The following PCDH9 variants were observed in gnomAD, a reference collection of about 807,000 sequenced individuals.
PCDH9 encodes the protein protocadherin-9.
PCDH9 carries 24 observed loss-of-function variants against 70.6 expected under a neutral mutation model. The observed-to-expected ratio is 0.34, with a 90% CI of 0.25 to 0.48. The LOEUF is 0.48. PCDH9 is among the 20% of genes least tolerant of loss of function. The pLI is 0.99. For missense variants in PCDH9, 1,281 were observed against 1,503.6 expected (o/e 0.85, Z 2.45); for synonymous variants, 562 against 558.5 (o/e 1.01, Z -0.09).
At chr13:66,786,675 C>T (rs1412144026) in intron 3 of PCDH9, among the ~76,000 whole-genome samples, 1 of 152,156 alleles carries the variant, frequency 6.6e-6, no homozygotes, top group Admixed American at 6.5e-5. Flanking sequence ...CTGTACTACC[C>T]TGCAAGAAGG....
chr13:66,762,062 G>A (rs2079637710), intron 3 of PCDH9, among the ~76,000 whole-genome samples: 2 of 152,156 alleles, frequency 1.3e-5, no homozygotes, highest in South Asian at 4.1e-4. Flanking sequence ...TTCTGGGCAG[G>A]TTGTTTGGTG....
At chr13:66,350,436 T>C (rs541099776) in intron 4 of PCDH9, among the ~76,000 whole-genome samples, 13 of 152,282 alleles carry the variant, frequency 8.5e-5, no homozygotes, top group African/African-American at 3.1e-4. Flanking sequence ...CCTTCTCACA[T>C]GTCTTAGTTA....
At chr13:67,109,581 T>A (rs2138264454) in intron 2 of PCDH9, among the ~76,000 whole-genome samples, 1 of 152,340 alleles carries the variant, frequency 6.6e-6, no homozygotes, top group South Asian at 2.1e-4. Flanking sequence ...TAACCTGTAA[T>A]CAATATTTAT....
At chr13:66,743,392 C>T (rs1238149824) in intron 3 of PCDH9, among the ~76,000 whole-genome samples, 1 of 141,998 alleles carries the variant, frequency 7.0e-6, no homozygotes, top group Non-Finnish European at 1.5e-5. Context: ...ACACCTAAGG[C>T]TAGATGACGA....
chr13:66,700,923 A>AACATATATATATATAT (rs1425269335), intron 3 of PCDH9, among the ~76,000 whole-genome samples: 2 of 58,436 alleles, frequency 3.4e-5, no homozygotes, highest in Non-Finnish European at 6.5e-5. Flanking sequence ...TGTACATATA[A>AACATATATATATATAT]ATATATATAT....
intron 2 of PCDH9, among the ~76,000 whole-genome samples, chr13:67,196,826 C>A (rs1417014356): frequency 6.6e-6 from 1 of 151,870 alleles, no homozygotes; most frequent in Non-Finnish European, 1.5e-5. Context: ...TGCTTAAATA[C>A]CAAGCTTTAA....
At chr13:67,083,024 G>T (rs2086017459) in intron 2 of PCDH9, among the ~76,000 whole-genome samples, 1 of 152,042 alleles carries the variant, frequency 6.6e-6, no homozygotes, top group South Asian at 2.1e-4. Context: ...ATTAGATTAT[G>T]AAGCTAAAAT....
intron 3 of PCDH9, among the ~76,000 whole-genome samples, chr13:66,827,623 G>A (rs1019343984): frequency 6.6e-6 from 1 of 152,100 alleles, no homozygotes; most frequent in South Asian, 2.1e-4. Flanking sequence ...ATGGAGTGAA[G>A]AAGAAAGCCT....
chr13:66,587,394 GA>G (rs994111308), intron 4 of PCDH9, among the ~76,000 whole-genome samples: 27 of 150,412 alleles, frequency 1.8e-4, no homozygotes, highest in African/African-American at 3.4e-4. Flanking sequence ...ATATTAAATA[GA>G]AAAAAAAAGA....
rs183895367 is a variant in PCDH9, at chr13:66,544,929, G to T, written c.3340+86281C>A. On this transcript the variant is annotated intron_variant, in intron 4 of 4. Coordinates refer to ENST00000377865, the MANE Select transcript of PCDH9 (RefSeq NM_203487.3). Reference sequence around the variant, plus strand: ...GTTTTACTCAGCAGGGTTGTGAACAGAAAACAAGTCTTGCAGGTCTCCTAC... The same window carrying T: ...GTTTTACTCAGCAGGGTTGTGAACATAAAACAAGTCTTGCAGGTCTCCTAC... 2.0e-5 allele frequency among the ~76,000 whole-genome samples: 3 copies of T among 152,238 alleles called. No individual in the cohort carries two copies. In the East Asian group the frequency reaches 5.8e-4, roughly 29 times the overall value.
At chr13:66,467,882 T>A (rs1958545887) in intron 4 of PCDH9, among the ~76,000 whole-genome samples, 1 of 152,082 alleles carries the variant, frequency 6.6e-6, no homozygotes, top group Non-Finnish European at 1.5e-5. Context: ...CCAGTGAGGT[T>A]CCTTGCTCAT....
chr13:67,219,029 T>C (rs562196329), intron 2 of PCDH9: 1 of 152,216 alleles, frequency 6.6e-6, no homozygotes, highest in South Asian at 2.1e-4. Flanking sequence ...GCATTTCTTA[T>C]ATTTATATGC....
intron 4 of PCDH9, among the ~76,000 whole-genome samples, chr13:66,369,096 G>A (rs1037479484): frequency 6.6e-6 from 1 of 152,058 alleles, no homozygotes; most frequent in Non-Finnish European, 1.5e-5. Flanking sequence ...TCTTTGGTTT[G>A]TTGGATTTAC....
intron 4 of PCDH9, among the ~76,000 whole-genome samples, chr13:66,581,950 C>A (rs546851209): frequency 6.6e-4 from 101 of 152,128 alleles, no homozygotes; most frequent in Non-Finnish European, 6.5e-4. Context: ...ATCTGCTAAT[C>A]TATTTCTCTT....
At chr13:66,308,086 A>T (rs1223512596) in intron 4 of PCDH9, among the ~76,000 whole-genome samples, 1 of 152,106 alleles carries the variant, frequency 6.6e-6, no homozygotes, top group East Asian at 1.9e-4. Flanking sequence ...CCTTAAGAGC[A>T]GTGAGCTGAG....
At chr13:67,022,669 G>A (rs1373678938) in intron 2 of PCDH9, among the ~76,000 whole-genome samples, 8 of 152,060 alleles carry the variant, frequency 5.3e-5, no homozygotes, top group Admixed American at 5.2e-4. Flanking sequence ...CGCACTTCCA[G>A]TGTTCAGTCA....
chr13:66,346,015 G>A (rs73505858), intron 4 of PCDH9, among the ~76,000 whole-genome samples: 2,617 of 152,066 alleles, frequency 0.017, 73 homozygotes, highest in African/African-American at 0.059. Context: ...TCTTTTCCTC[G>A]TCAGATGGTA....
intron 3 of PCDH9, among the ~76,000 whole-genome samples, chr13:66,888,944 G>A (rs2139561055): frequency 6.6e-6 from 1 of 152,236 alleles, no homozygotes; most frequent in Non-Finnish European, 1.5e-5. Flanking sequence ...GACATAAGAA[G>A]TTTTGCCATA....
At chr13:66,477,053 T>G (rs1454865302) in intron 4 of PCDH9, among the ~76,000 whole-genome samples, 2 of 152,108 alleles carry the variant, frequency 1.3e-5, no homozygotes, top group Non-Finnish European at 2.9e-5. Flanking sequence ...TTAATAAAGC[T>G]ATTTTACTTA....
Sources: gnomAD v4.1 joint callset for allele counts (sites outside exome capture counted in the v4.1 genomes callset) on GRCh38, gnomAD v4.1.1 for gene constraint, MANE v1.5 for transcripts, NCBI Gene and HGNC (gene_info 2026-07-23, HGNC 2026-07-21) for gene names.